The following IL22RA2 variants were observed in gnomAD, a reference collection of about 807,000 sequenced individuals.
The protein encoded by IL22RA2 is interleukin 22 receptor subunit alpha 2, also known as interleukin-22 receptor subunit alpha-2.
Under a neutral mutation model 30.7 loss-of-function variants are expected in IL22RA2, and 39 were observed. That is an observed-to-expected ratio of 1.27 (90% confidence interval 0.98 to 1.66). IL22RA2 has a LOEUF of 1.66. Ranked by LOEUF, IL22RA2 falls within the 40% of genes most tolerant of loss-of-function variation. IL22RA2 has a pLI of 0.00. For missense variants in IL22RA2, 315 were observed against 312.7 expected (o/e 1.01, Z -0.05); for synonymous variants, 103 against 105.0 (o/e 0.98, Z 0.11).
intron 1 of IL22RA2, among the ~76,000 whole-genome samples, chr6:137,163,290 T>C (rs764320110): frequency 2.0e-5 from 3 of 152,234 alleles, no homozygotes; most frequent in African/African-American, 4.8e-5. Flanking sequence ...TCTGGACATA[T>C]GTGCTACTGA....
In IL22RA2 at chr6:137,155,232, T is replaced by A. The variant is rs191304353; in HGVS notation, c.294-113A>T. On this transcript the variant is annotated intron_variant, in intron 4 of 6. Coordinates refer to ENST00000296980, the MANE Select transcript of IL22RA2 (RefSeq NM_052962.3). ...GATTCTAGTAGCAATACCACCATGA[T>A]AGCTTATGGCTCCTCTTCAGAATCT... 3 of 710,138 alleles carry A rather than the reference T, an allele frequency of 4.2e-6. No individual in the cohort carries two copies. In the Admixed American group the frequency reaches 8.3e-5, roughly 20 times the overall value. 44.0% of individuals were successfully genotyped at this position (710,138 alleles called of 1,614,324 possible).
At chr6:137,165,299 C>T (rs142276648) in intron 1 of IL22RA2, among the ~76,000 whole-genome samples, 123 of 152,358 alleles carry the variant, frequency 8.1e-4, no homozygotes, top group African/African-American at 2.5e-3. Flanking sequence ...TTACATGCCA[C>T]TTGACCCAGA....
chr6:137,165,684 A>C (rs2047100271), intron 1 of IL22RA2, among the ~76,000 whole-genome samples: 1 of 152,170 alleles, frequency 6.6e-6, no homozygotes, highest in South Asian at 2.1e-4. Flanking sequence ...ATGAATGCCA[A>C]ATTTTCCGGT....
chr6:137,169,973 G>C (rs1238596692), intron 1 of IL22RA2, among the ~76,000 whole-genome samples: 2 of 152,166 alleles, frequency 1.3e-5, no homozygotes, highest in Non-Finnish European at 2.9e-5. Flanking sequence ...TCACTCTTTG[G>C]AGGACGGTTT....
chr6:137,158,213 T>C, intron 3 of IL22RA2, 134 bp downstream of exon 3: 1 of 1,027,704 alleles, frequency 9.7e-7, no homozygotes, highest in Non-Finnish European at 1.4e-6. Context: ...GACAAGTCAC[T>C]GTTATCCTGA....
intron 1 of IL22RA2, among the ~76,000 whole-genome samples, chr6:137,170,322 A>T (rs1213912935): frequency 6.6e-6 from 1 of 152,200 alleles, no homozygotes; most frequent in Non-Finnish European, 1.5e-5. Context: ...AAATCCTTTT[A>T]AAGTTCCTGC....
chr6:137,152,229 G>GA (rs553538595), intron 5 of IL22RA2, among the ~76,000 whole-genome samples: 164 of 146,488 alleles, frequency 1.1e-3, no homozygotes, highest in African/African-American at 3.5e-3. Context: ...AAACAAACAA[G>GA]AAAAAAAAAC....
At chr6:137,157,204 T>C (rs1778423835) in intron 3 of IL22RA2, among the ~76,000 whole-genome samples, 1 of 152,164 alleles carries the variant, frequency 6.6e-6, no homozygotes, top group African/African-American at 2.4e-5. Flanking sequence ...AAGTTTAATC[T>C]TCATTAGATT....
intron 1 of IL22RA2, among the ~76,000 whole-genome samples, chr6:137,163,889 C>T (rs979720549): frequency 3.3e-5 from 5 of 152,114 alleles, no homozygotes; most frequent in African/African-American, 1.2e-4. Context: ...GATCTCTTAG[C>T]GTGGACTGTG....
At position 137,147,750 on chromosome 6, in the gene IL22RA2, A is replaced by C. The variant is rs758017422; in HGVS notation, c.614T>G (p.Val205Gly). The C allele has an allele frequency of 2.1e-5, 33 of 1,569,992 alleles. No individual in the cohort carries two copies. The highest frequency in any genetic ancestry group is 2.9e-5 in the Non-Finnish European group (33 of 1,150,740). Residue 205 changes from valine (V) to glycine (G), a missense_variant, in exon 6 of 7, where the codon GTT becomes GGT. Physicochemically the swap from Val to Gly is moderately radical, Grantham distance 109 (BLOSUM62 -3). Transcript: ENST00000296980. ...IEDYYELLYRVFIINNSLEKE... is the reference protein window; with the variant it reads ...IEDYYELLYRGFIINNSLEKE... ...TTCTAGTGAATTGTTAATTATAAAA[A>C]CTCGGTATAGTAGTTCATAGTAATC... is the stretch of plus-strand genomic sequence containing the variant.
intron 1 of IL22RA2, among the ~76,000 whole-genome samples, chr6:137,165,535 G>T (rs942605791): frequency 6.6e-6 from 1 of 152,180 alleles, no homozygotes; most frequent in African/African-American, 2.4e-5. Context: ...AACTGGTTTT[G>T]TGAGAGGATG....
chr6:137,169,254 A>G (rs1304145547), intron 1 of IL22RA2, among the ~76,000 whole-genome samples: 1 of 152,250 alleles, frequency 6.6e-6, no homozygotes, highest in Non-Finnish European at 1.5e-5. Context: ...AACACAATGG[A>G]GAAGCTTTAT....
At position 137,151,661 on chromosome 6, in the gene IL22RA2, G is replaced by C. The variant is rs142860862; in HGVS notation, c.472+3280C>G. Among the ~76,000 whole-genome samples the C allele has an allele frequency of 2.0e-5, 3 of 152,210 alleles. No homozygotes were observed. The East Asian group carries it at 5.8e-4, about 29-fold the overall frequency. On this transcript the variant is annotated intron_variant, in intron 5 of 6. Transcript: ENST00000296980. ...AGCTGAGGATCATATATCTGATAAG[G>C]CATTGGTATGCAGAATATATAAAGA...
At chr6:137,167,505 AGAAT>A (rs1778647934) in intron 1 of IL22RA2, among the ~76,000 whole-genome samples, 1 of 152,250 alleles carries the variant, frequency 6.6e-6, no homozygotes, top group African/African-American at 2.4e-5. Flanking sequence ...GGTAAGAGAA[AGAAT>A]ACCTGTTAGC....
intron 1 of IL22RA2, among the ~76,000 whole-genome samples, chr6:137,163,442 T>C (rs1306270164): frequency 6.6e-6 from 1 of 152,076 alleles, no homozygotes; most frequent in Non-Finnish European, 1.5e-5. Context: ...CCCCAGGACA[T>C]GGGAAATCTG....
Position 137,165,958 on chromosome 6 carries a change from T to C in IL22RA2, c.-65-4144A>G, listed in dbSNP as rs1408967345. Reference sequence around the variant, plus strand: ...AAATCCCCTACCTAACCTTGGAGACTATGAATACTCTAAATCCGGCCACAC... The same window carrying C: ...AAATCCCCTACCTAACCTTGGAGACCATGAATACTCTAAATCCGGCCACAC... On this transcript the variant is annotated intron_variant, in intron 1 of 6. Coordinates refer to ENST00000296980, the MANE Select transcript of IL22RA2 (RefSeq NM_052962.3). 2.0e-5 allele frequency among the ~76,000 whole-genome samples: 3 copies of C among 152,188 alleles called. No individual in the cohort carries two copies. The East Asian group carries it at 5.8e-4, about 29-fold the overall frequency.
intron 5 of IL22RA2, among the ~76,000 whole-genome samples, chr6:137,152,268 A>G (rs966950344): frequency 6.6e-6 from 1 of 152,158 alleles, no homozygotes; most frequent in East Asian, 1.9e-4. Context: ...AAATTTTTAC[A>G]TGACTGTTTA....
intron 5 of IL22RA2, among the ~76,000 whole-genome samples, chr6:137,151,502 A>G (rs2114357274): frequency 6.6e-6 from 1 of 152,356 alleles, no homozygotes; most frequent in South Asian, 2.1e-4. Context: ...GATTTGGCAA[A>G]GGATTCTTAG....
At chr6:137,160,786 G>C (rs1339122342) in intron 2 of IL22RA2, among the ~76,000 whole-genome samples, 1 of 152,196 alleles carries the variant, frequency 6.6e-6, no homozygotes, top group African/African-American at 2.4e-5. Flanking sequence ...CGAGGTTACA[G>C]GTTTGGTAAG....
Sources: gnomAD v4.1 joint callset for allele counts (sites outside exome capture counted in the v4.1 genomes callset) on GRCh38, gnomAD v4.1.1 for gene constraint, MANE v1.5 for transcripts, NCBI Gene and HGNC (gene_info 2026-07-23, HGNC 2026-07-21) for gene names.